The following NOP58 variants were observed in gnomAD, a reference collection of about 807,000 sequenced individuals.
The protein encoded by NOP58 is nucleolar protein 58.
A neutral mutation model predicts 71.2 loss-of-function variants in NOP58; 44 were observed. That is an observed-to-expected ratio of 0.62 (90% CI 0.49 to 0.79). The LOEUF (loss-of-function observed/expected upper bound fraction) is 0.79, where lower values mean the gene tolerates loss of function less well. Among genes scored for constraint, NOP58 ranks in the 30% least tolerant of loss-of-function variants. The pLI, the probability that NOP58 is intolerant of heterozygous loss-of-function variation, is 0.00. For synonymous variants in NOP58, 228 were observed against 200.3 expected, an observed-to-expected ratio of 1.14 and a Z score of -1.17; for missense variants, 538 against 620.2, an observed-to-expected ratio of 0.87 and a Z score of 1.41.
chr2:202,269,720 G>A (rs966474265), intron 1 of NOP58, among the ~76,000 whole-genome samples: 2 of 151,844 alleles, frequency 1.3e-5, no homozygotes, highest in African/African-American at 4.8e-5. Context: ...CAGCCTGGGC[G>A]ACAGGGCAAG....
intron 1 of NOP58, among the ~76,000 whole-genome samples, chr2:202,273,943 GAAA>G (rs71031882): frequency 2.2e-5 from 2 of 90,096 alleles, no homozygotes; most frequent in Non-Finnish European, 4.7e-5. Context: ...CTCCATCTCA[GAAA>G]AAAAAAAAAA....
At chr2:202,276,188 A>G (rs1688585978) in intron 2 of NOP58, among the ~76,000 whole-genome samples, 1 of 151,724 alleles carries the variant, frequency 6.6e-6, no homozygotes. Context: ...AAAACACAAA[A>G]TTAGCCGGGC....
At chr2:202,293,877 G>C (rs1323945925) in intron 9 of NOP58, among the ~76,000 whole-genome samples, 1 of 151,990 alleles carries the variant, frequency 6.6e-6, no homozygotes, top group East Asian at 1.9e-4. Context: ...GCCCGGCCTG[G>C]CGTAACTCCT....
chr2:202,303,444 GA>G lies in NOP58; in HGVS notation c.*10del. The G allele has an allele frequency of 1.2e-6, 2 of 1,608,400 alleles. No individual in the cohort carries two copies. Among genetic ancestry groups the G allele is most frequent in the Non-Finnish European group, 1.7e-6 (2 of 1,177,394 alleles). Reference sequence around the variant, plus strand: ...AGAGAGAACGAGGATTAACAGAAAGGAATTACGATTATATCACCCGGACACA... The same window carrying G: ...AGAGAGAACGAGGATTAACAGAAAGGATTACGATTATATCACCCGGACACA... On this transcript the variant is annotated 3_prime_UTR_variant, in exon 15 of 15. Coordinates refer to ENST00000264279, the MANE Select transcript of NOP58 (RefSeq NM_015934.5).
chr2:202,273,940 T>C (rs1197079005), intron 1 of NOP58, among the ~76,000 whole-genome samples: 1 of 143,636 alleles, frequency 7.0e-6, no homozygotes, highest in East Asian at 2.0e-4. Context: ...AGACTCCATC[T>C]CAGAAAAAAA....
At chr2:202,289,966 A>AT (rs939570005) in intron 6 of NOP58, among the ~76,000 whole-genome samples, 3 of 151,308 alleles carry the variant, frequency 2.0e-5, no homozygotes, top group South Asian at 2.1e-4. Flanking sequence ...TTTTTTTTAA[A>AT]TTTTTTGCGA....
At chr2:202,284,205 G>A (rs565536237) in intron 4 of NOP58, 140 bp from the exon 5 acceptor site, 38 of 601,720 alleles carry the variant, frequency 6.3e-5, no homozygotes, top group South Asian at 5.9e-4. Flanking sequence ...CCCAGGAGGC[G>A]GAGGTTGTAG....
chr2:202,268,008 A>T (rs1269856203), intron 1 of NOP58, among the ~76,000 whole-genome samples: 1 of 152,216 alleles, frequency 6.6e-6, no homozygotes. Context: ...TGGAATTAAC[A>T]TTGATCGTTT....
intron 2 of NOP58, chr2:202,276,289 G>C (rs1436695653): frequency 4.9e-6 from 1 of 203,198 alleles, no homozygotes; most frequent in Non-Finnish European, 1.1e-5. Flanking sequence ...GCAGTGAGCC[G>C]AGATTGCGCC....
At chr2:202,269,740 C>CA (rs953726175) in intron 1 of NOP58, among the ~76,000 whole-genome samples, 4 of 151,074 alleles carry the variant, frequency 2.6e-5, no homozygotes, top group East Asian at 3.9e-4. Context: ...GACTCCGTCT[C>CA]AAAAAAAAGA....
intron 1 of NOP58, among the ~76,000 whole-genome samples, 181 bp from the exon 2 acceptor site, chr2:202,274,932 G>T (rs1237673829): frequency 6.6e-6 from 1 of 152,020 alleles, no homozygotes; most frequent in South Asian, 2.1e-4. Context: ...CTGTTAAATG[G>T]GCAATTCGAA....
At chr2:202,295,921 A>G (rs759626033) in intron 10 of NOP58, 84 bp downstream of exon 10, 1 of 1,032,382 alleles carries the variant, frequency 9.7e-7, no homozygotes, top group Non-Finnish European at 1.3e-6. Context: ...TGTAGTACAC[A>G]TTAAATCTTC....
chr2:202,278,166 C>A (rs561111198), intron 3 of NOP58, 164 bp downstream of exon 3: 43 of 722,046 alleles, frequency 6.0e-5, no homozygotes, highest in Non-Finnish European at 1.0e-4. Context: ...CTGACTCATT[C>A]GTCACTACCA....
At chr2:202,268,215 T>C (rs901939212) in intron 1 of NOP58, among the ~76,000 whole-genome samples, 4 of 152,192 alleles carry the variant, frequency 2.6e-5, no homozygotes, top group African/African-American at 9.7e-5. Context: ...TCCTTTCCCA[T>C]AATCTTTCAA....
At chr2:202,277,271 C>T (rs976546795) in intron 2 of NOP58, among the ~76,000 whole-genome samples, 6 of 150,960 alleles carry the variant, frequency 4.0e-5, no homozygotes, top group South Asian at 2.1e-4. Context: ...CGCCACTGCA[C>T]TCCAGCCTGG....
chr2:202,268,340 C>T lies in NOP58; in HGVS notation c.45+2354C>T, dbSNP rs188171838. Among the ~76,000 whole-genome samples the T allele has an allele frequency of 4.7e-3, 714 of 152,016 alleles. 7 individuals are homozygous for T. The highest frequency in any genetic ancestry group is 0.016 in the African/African-American group (672 of 41,504). On this transcript the variant is annotated intron_variant, in intron 1 of 14. Transcript: ENST00000264279. ...ACAAGGTCAGGAGTTTGAGACCAGC[C>T]TAACCAACATGGTGAAACCCCGTCT... is the stretch of plus-strand genomic sequence containing the variant.
chr2:202,295,578 TATG>T (rs1452218671), intron 9 of NOP58, 93 bp from the exon 10 acceptor site: 1 of 829,994 alleles, frequency 1.2e-6, no homozygotes, highest in Admixed American at 2.8e-5. Flanking sequence ...TTTTATTTAT[TATG>T]GTGGCTGTAA....
intron 8 of NOP58, among the ~76,000 whole-genome samples, chr2:202,292,321 G>A (rs762258346): frequency 2.0e-5 from 3 of 151,772 alleles, no homozygotes; most frequent in East Asian, 1.9e-4. Context: ...ATACAGTTAC[G>A]CTGACTAAGA....
Position 202,302,949 on chromosome 2 carries a change from A to C in NOP58, c.1431A>C (p.Ala477=). 1 of 1,605,156 alleles carries C rather than the reference A, an allele frequency of 6.2e-7. No homozygotes were observed. The highest frequency in any genetic ancestry group is 8.5e-7 in the Non-Finnish European group (1 of 1,177,684). ...KVEEEEEEKV[A]EEEETSVKKK... is the part of the protein sequence containing the mutation. ...AAGAAGAGGAAGAAGAAAAAGTGGC[A>C]GAAGAAGAAGAAACATCTGTGAAGA... is the stretch of plus-strand genomic sequence containing the variant. Residue 477 remains alanine, a synonymous_variant, in exon 14 of 15, where the codon GCA becomes GCC. Transcript: ENST00000264279.
Sources: allele counts gnomAD v4.1 joint callset (sites outside exome capture counted in the v4.1 genomes callset), GRCh38; gene constraint gnomAD v4.1.1; transcripts MANE v1.5; gene names NCBI Gene and HGNC (gene_info 2026-07-23, HGNC 2026-07-21).